The following GRIN2A variants were observed in gnomAD, a reference collection of about 807,000 sequenced individuals.
GRIN2A encodes the protein glutamate receptor ionotropic, NMDA 2A.
GRIN2A carries 22 observed loss-of-function variants against 113.4 expected under a neutral mutation model. The observed-to-expected ratio is 0.19, with a 90% CI of 0.14 to 0.28. GRIN2A has a LOEUF of 0.28. Among genes scored for constraint, GRIN2A ranks in the 10% least tolerant of loss-of-function variants. The probability of loss-of-function intolerance (pLI) is 1.00; values close to 1 mark genes in which losing one functional copy is unlikely to be tolerated. For missense variants in GRIN2A, 1,502 were observed against 1,887.0 expected (o/e 0.80, Z 3.78); for synonymous variants, 827 against 738.4 (o/e 1.12, Z -1.94).
intron 2 of GRIN2A, among the ~76,000 whole-genome samples, chr16:9,998,247 TAA>T: frequency 6.6e-6 from 1 of 152,294 alleles, no homozygotes; most frequent in Middle Eastern, 3.4e-3. Flanking sequence ...TGTTGTTATA[TAA>T]GAGTGGCATG....
intron 2 of GRIN2A, among the ~76,000 whole-genome samples, chr16:10,055,283 G>C (rs928358372): frequency 1.3e-5 from 2 of 151,712 alleles, no homozygotes; most frequent in Non-Finnish European, 2.9e-5. Flanking sequence ...AGGGTGGCAG[G>C]CTTCAGCAGC....
intron 2 of GRIN2A, among the ~76,000 whole-genome samples, chr16:10,173,733 A>G (rs924071591): frequency 5.3e-5 from 8 of 152,206 alleles, no homozygotes. Context: ...AATTGTTAAA[A>G]TAATTGTGGT....
At chr16:9,993,941 T>C (rs531855242) in intron 2 of GRIN2A, among the ~76,000 whole-genome samples, 1 of 152,334 alleles carries the variant, frequency 6.6e-6, no homozygotes, top group African/African-American at 2.4e-5. Context: ...GGTCTTCTGT[T>C]GCACCATCAT....
At chr16:10,176,496 A>C (rs943073401) in intron 2 of GRIN2A, among the ~76,000 whole-genome samples, 1 of 152,162 alleles carries the variant, frequency 6.6e-6, no homozygotes, top group Non-Finnish European at 1.5e-5. Flanking sequence ...TGGCACATAC[A>C]CACCATGGAA....
intron 2 of GRIN2A, among the ~76,000 whole-genome samples, chr16:10,097,735 C>T (rs544580666): frequency 6.6e-6 from 1 of 152,278 alleles, no homozygotes; most frequent in Non-Finnish European, 1.5e-5. Flanking sequence ...GACCCTTCAT[C>T]TAACATGTAG....
chr16:10,038,139 A>G (rs1238092838), intron 2 of GRIN2A, among the ~76,000 whole-genome samples: 2 of 152,188 alleles, frequency 1.3e-5, no homozygotes, highest in African/African-American at 4.8e-5. Flanking sequence ...GTGCCAGCAT[A>G]TTCGGTGTCT....
At position 9,931,792 on chromosome 16, in the gene GRIN2A, T is replaced by C. The variant is rs141610849; in HGVS notation, c.1007+6167A>G. Among the ~76,000 whole-genome samples the C allele has an allele frequency of 3.5e-3, 532 of 152,320 alleles. 4 individuals are homozygous for C. Among genetic ancestry groups the C allele is most frequent in the African/African-American group, 0.012 (489 of 41,554 alleles). On this transcript the variant is annotated intron_variant, in intron 3 of 12. Coordinates refer to ENST00000330684, the MANE Select transcript of GRIN2A (RefSeq NM_001134407.3). ...AAAAATGCAGGTAAACGTGTGCACA[T>C]GTGTGTATATACATACCCATGTACA...
intron 2 of GRIN2A, chr16:10,112,817 G>T: frequency 1.5e-6 from 1 of 649,568 alleles, no homozygotes; most frequent in Non-Finnish European, 2.9e-6. Context: ...TTGAGAAGTG[G>T]ACCATGTCAG....
chr16:9,970,124 A>G (rs2045641882), intron 2 of GRIN2A, among the ~76,000 whole-genome samples: 1 of 152,210 alleles, frequency 6.6e-6, no homozygotes, highest in African/African-American at 2.4e-5. Flanking sequence ...TACAGAAAAA[A>G]GCAGCTCAAA....
intron 2 of GRIN2A, among the ~76,000 whole-genome samples, chr16:10,166,303 G>A (rs2049922055): frequency 6.6e-6 from 1 of 152,188 alleles, no homozygotes; most frequent in Admixed American, 6.5e-5. Flanking sequence ...GGTAAGAAAT[G>A]CCATCCAGAG....
rs183777832 is a variant in GRIN2A at position 9,827,761 on chromosome 16, G to T, written c.2007+1662C>A. On this transcript the variant is annotated intron_variant, in intron 9 of 12. Transcript: ENST00000330684. ...AGGGATCCCAGGAGATCCAGGTGGG[G>T]TATGCACAGTGTCCAGTATACCATG... Among the ~76,000 whole-genome samples the T allele has an allele frequency of 2.6e-5, 4 of 152,298 alleles. No individual in the cohort carries two copies. In the East Asian group the frequency reaches 5.8e-4, roughly 22 times the overall value.
chr16:10,017,349 T>A (rs706000), intron 2 of GRIN2A, among the ~76,000 whole-genome samples: 3 of 151,638 alleles, frequency 2.0e-5, no homozygotes, highest in African/African-American at 7.3e-5. Context: ...TGAGTCTTGG[T>A]GGGGCGGCAG....
At chr16:10,067,941 G>A (rs763907449) in intron 2 of GRIN2A, among the ~76,000 whole-genome samples, 8 of 152,242 alleles carry the variant, frequency 5.3e-5, no homozygotes, top group Non-Finnish European at 1.2e-4. Flanking sequence ...CTAAGATGAA[G>A]CAGAGTACAG....
chr16:9,935,809 C>T (rs1018138387), intron 3 of GRIN2A, among the ~76,000 whole-genome samples: 1 of 152,222 alleles, frequency 6.6e-6, no homozygotes, highest in Middle Eastern at 3.4e-3. Flanking sequence ...TCAAGTGATT[C>T]TCCTGCCTCA....
intron 4 of GRIN2A, among the ~76,000 whole-genome samples, chr16:9,881,867 C>T (rs1318367600): frequency 6.6e-6 from 1 of 152,234 alleles, no homozygotes; most frequent in African/African-American, 2.4e-5. Flanking sequence ...TAGCAATCCA[C>T]ATAATCGTTC....
chr16:9,800,746 C>T (rs1331209410), intron 10 of GRIN2A, among the ~76,000 whole-genome samples: 2 of 152,026 alleles, frequency 1.3e-5, no homozygotes, highest in Non-Finnish European at 2.9e-5. Flanking sequence ...GATCAAGCAG[C>T]AGCAGAAGAG....
At chr16:9,968,875 G>A (rs1300205572) in intron 2 of GRIN2A, among the ~76,000 whole-genome samples, 4 of 152,170 alleles carry the variant, frequency 2.6e-5, no homozygotes, top group South Asian at 4.2e-4. Context: ...CCAAAGTGCT[G>A]GTAATTACAG....
At chr16:9,824,780 A>G (rs2042355465) in intron 9 of GRIN2A, among the ~76,000 whole-genome samples, 1 of 152,140 alleles carries the variant, frequency 6.6e-6, no homozygotes, top group Non-Finnish European at 1.5e-5. Context: ...GAGGTTATCC[A>G]TTATGTTCTA....
chr16:9,763,938 C>T lies in GRIN2A; in HGVS notation c.3606G>A (p.Glu1202=), dbSNP rs1900725658. The T allele has an allele frequency of 4.3e-6, 7 of 1,614,006 alleles. No homozygotes were observed. The highest frequency in any genetic ancestry group is 5.9e-6 in the Non-Finnish European group (7 of 1,180,026). Reference sequence around the variant, plus strand: ...AGTTCTGCCGGTATCGCTCGCTGGTCTCACTGTGCGGGGAACCCTTGTCTT... The same window carrying T: ...AGTTCTGCCGGTATCGCTCGCTGGTTTCACTGTGCGGGGAACCCTTGTCTT... ...TLKDKGSPHS[E]TSERYRQNST... The change falls in exon 13 of 13, where the codon GAG becomes GAA. Residue 1202 remains glutamate, a synonymous_variant. Transcript: ENST00000330684.
Sources: allele counts gnomAD v4.1 joint callset (sites outside exome capture counted in the v4.1 genomes callset), GRCh38; gene constraint gnomAD v4.1.1; transcripts MANE v1.5; gene names NCBI Gene and HGNC (gene_info 2026-07-23, HGNC 2026-07-21).